Variants in THSD7B observed in about 807,000 individuals in gnomAD.
The protein encoded by THSD7B is thrombospondin type 1 domain containing 7B.
Under a neutral mutation model 213.6 loss-of-function variants are expected in THSD7B, and 138 were observed. The observed-to-expected ratio is 0.65, with a 90% CI of 0.56 to 0.74. The LOEUF is 0.74. Ranked by LOEUF, THSD7B falls within the 30% of genes least tolerant of loss-of-function variation. THSD7B has a pLI of 0.00. For synonymous variants in THSD7B, 742 were observed against 687.0 expected, an observed-to-expected ratio of 1.08 and a Z score of -1.25; for missense variants, 1,931 against 1,991.5, an observed-to-expected ratio of 0.97 and a Z score of 0.58.
chr2:136,948,409 A>C, intron 2 of THSD7B, among the ~76,000 whole-genome samples: 1 of 149,174 alleles, frequency 6.7e-6, no homozygotes, highest in Non-Finnish European at 1.5e-5. Flanking sequence ...ACTGAATGAC[A>C]CCCCATCCCC....
chr2:137,211,348 A>ACC (rs1681104533), intron 7 of THSD7B, among the ~76,000 whole-genome samples: 1 of 122,400 alleles, frequency 8.2e-6, no homozygotes, highest in Non-Finnish European at 1.9e-5. Flanking sequence ...ACACACACAC[A>ACC]CACACACACA....
intron 14 of THSD7B, among the ~76,000 whole-genome samples, chr2:137,437,519 T>C (rs1321685449): frequency 1.2e-4 from 19 of 152,124 alleles, no homozygotes; most frequent in Admixed American, 1.2e-3. Context: ...TATTACCAGC[T>C]GTTGAGCATT....
intron 12 of THSD7B, among the ~76,000 whole-genome samples, chr2:137,399,122 C>G (rs1574006608): frequency 6.6e-6 from 1 of 151,922 alleles, no homozygotes; most frequent in South Asian, 2.1e-4. Context: ...AATCACCTGT[C>G]TTCTGCGTCA....
chr2:136,785,804 C>T (rs1018787185), intron 1 of THSD7B, among the ~76,000 whole-genome samples: 5 of 152,134 alleles, frequency 3.3e-5, no homozygotes, highest in African/African-American at 9.7e-5. Flanking sequence ...TCTTAAACCA[C>T]GTTGTGTAAC....
intron 1 of THSD7B, among the ~76,000 whole-genome samples, chr2:136,848,365 C>T (rs1202104926): frequency 6.6e-6 from 1 of 152,092 alleles, no homozygotes; most frequent in African/African-American, 2.4e-5. Context: ...TGGGATCTGG[C>T]CCTATAATTT....
At chr2:136,775,931 G>T (rs1681594223) in intron 1 of THSD7B, among the ~76,000 whole-genome samples, 1 of 152,122 alleles carries the variant, frequency 6.6e-6, no homozygotes, top group Non-Finnish European at 1.5e-5. Flanking sequence ...TACTTTGACA[G>T]ATTAACATAA....
chr2:137,095,493 C>T (rs143421543), intron 4 of THSD7B, among the ~76,000 whole-genome samples: 10 of 152,270 alleles, frequency 6.6e-5, no homozygotes, highest in African/African-American at 2.4e-4. Context: ...CCATTCATGG[C>T]ATCTCCATTT....
chr2:137,263,379 C>T (rs2105084915), intron 10 of THSD7B, among the ~76,000 whole-genome samples: 1 of 152,180 alleles, frequency 6.6e-6, no homozygotes, highest in African/African-American at 2.4e-5. Context: ...GTATTACCCA[C>T]ATAGGACAAG....
At chr2:137,183,903 A>G (rs1476704216) in intron 7 of THSD7B, among the ~76,000 whole-genome samples, 2 of 152,178 alleles carry the variant, frequency 1.3e-5, no homozygotes, top group Non-Finnish European at 2.9e-5. Flanking sequence ...ATGTCATACA[A>G]TAAGGATGAA....
chr2:137,130,884 G>A (rs1362212055), intron 5 of THSD7B, among the ~76,000 whole-genome samples: 4 of 149,668 alleles, frequency 2.7e-5, no homozygotes, highest in African/African-American at 7.3e-5. Flanking sequence ...AGTCCTTTGG[G>A]TATATACCCA....
chr2:137,073,310 G>A (rs1486345242), intron 3 of THSD7B, among the ~76,000 whole-genome samples: 18 of 152,152 alleles, frequency 1.2e-4, no homozygotes, highest in Non-Finnish European at 2.1e-4. Flanking sequence ...CAGAGATTCA[G>A]CTTCTTCCTG....
intron 2 of THSD7B, among the ~76,000 whole-genome samples, chr2:136,935,901 TATA>T (rs1212610008): frequency 1.3e-5 from 2 of 148,150 alleles, no homozygotes; most frequent in Non-Finnish European, 3.0e-5. Context: ...ATAATATAGT[TATA>T]ATATGTAATA....
intron 15 of THSD7B, among the ~76,000 whole-genome samples, chr2:137,559,972 A>C (rs1363703226): frequency 6.6e-6 from 1 of 152,216 alleles, no homozygotes; most frequent in Non-Finnish European, 1.5e-5. Flanking sequence ...GCTCATCATC[A>C]CTGGCCATCA....
chr2:136,804,677 G>A (rs141664808), intron 1 of THSD7B, among the ~76,000 whole-genome samples: 186 of 152,146 alleles, frequency 1.2e-3, no homozygotes, highest in African/African-American at 4.2e-3. Context: ...AGGAGAGTAT[G>A]GATCCTCCTT....
chr2:137,402,429 C>G (rs1686390854), intron 12 of THSD7B, among the ~76,000 whole-genome samples: 1 of 151,898 alleles, frequency 6.6e-6, no homozygotes, highest in African/African-American at 2.4e-5. Flanking sequence ...AAACATCATT[C>G]AATTTGGTTT....
chr2:137,399,096 C>A (rs1440877240), intron 12 of THSD7B, among the ~76,000 whole-genome samples: 1 of 151,908 alleles, frequency 6.6e-6, no homozygotes, highest in South Asian at 2.1e-4. Flanking sequence ...CCCGGTACCT[C>A]AGATGGAAAT....
At chr2:137,146,158 A>G (rs984120636) in intron 5 of THSD7B, among the ~76,000 whole-genome samples, 13 of 152,128 alleles carry the variant, frequency 8.5e-5, no homozygotes, top group African/African-American at 3.1e-4. Flanking sequence ...TGTTCTCCTC[A>G]TGCACTAGAA....
intron 14 of THSD7B, among the ~76,000 whole-genome samples, chr2:137,440,125 G>A (rs1028715427): frequency 6.6e-6 from 1 of 152,090 alleles, no homozygotes; most frequent in Non-Finnish European, 1.5e-5. Flanking sequence ...AATACTGATA[G>A]CAGTGGAAGT....
chr2:137,135,011 T>C (rs909035646), intron 5 of THSD7B, among the ~76,000 whole-genome samples: 1 of 152,194 alleles, frequency 6.6e-6, no homozygotes, highest in Admixed American at 6.5e-5. Flanking sequence ...CAGTTTCTTC[T>C]GAGCCTAAGA....
Sources: gnomAD v4.1 joint callset for allele counts (sites outside exome capture counted in the v4.1 genomes callset) on GRCh38, gnomAD v4.1.1 for gene constraint, MANE v1.5 for transcripts, NCBI Gene and HGNC (gene_info 2026-07-23, HGNC 2026-07-21) for gene names.